The following DLG2 variants were observed in gnomAD, a reference collection of about 807,000 sequenced individuals.
The protein encoded by DLG2 is discs large MAGUK scaffold protein 2, also known as disks large homolog 2.
DLG2 carries 45 observed loss-of-function variants against 132.5 expected under a neutral mutation model. That is an observed-to-expected ratio of 0.34 (90% CI 0.27 to 0.44). The LOEUF (loss-of-function observed/expected upper bound fraction) is 0.44. DLG2 is among the 20% of genes least tolerant of loss of function. DLG2 has a pLI of 1.00. For missense variants in DLG2, 1,045 were observed against 1,196.9 expected (o/e 0.87, Z 1.87); for synonymous variants, 424 against 419.6 (o/e 1.01, Z -0.13).
At chr11:84,123,752 C>T (rs1443492114) in intron 9 of DLG2, among the ~76,000 whole-genome samples, 1 of 152,194 alleles carries the variant, frequency 6.6e-6, no homozygotes, top group Non-Finnish European at 1.5e-5. Context: ...CAACTAAGTA[C>T]ATAGAGATGA....
At chr11:84,018,368 A>G (rs2095282389) in intron 11 of DLG2, among the ~76,000 whole-genome samples, 1 of 152,016 alleles carries the variant, frequency 6.6e-6, no homozygotes, top group Admixed American at 6.6e-5. Context: ...TTATCTTGAG[A>G]ACTGGGTAAG....
chr11:84,488,148 C>G (rs568831471), intron 7 of DLG2, among the ~76,000 whole-genome samples: 1 of 152,180 alleles, frequency 6.6e-6, no homozygotes, highest in East Asian at 1.9e-4. Context: ...AAAGGAAACT[C>G]AAATTGGGAG....
chr11:83,833,823 C>G lies in DLG2; in HGVS notation c.1566-53G>C. The stretch of plus-strand genomic sequence containing the variant: ...CAGAGGGTGATCCATTTAAGATTTA[C>G]GTTGCTTTTACTTTCAATGGGATAT... On this transcript the variant is annotated intron_variant, in intron 16 of 27. Transcript: ENST00000376104. The G allele has an allele frequency of 1.9e-6, 3 of 1,567,226 alleles. No individual in the cohort carries two copies. The East Asian group carries it at 6.8e-5, about 35-fold the overall frequency.
At chr11:85,304,945 G>A (rs1044901318) in intron 3 of DLG2, among the ~76,000 whole-genome samples, 8 of 151,992 alleles carry the variant, frequency 5.3e-5, no homozygotes, top group South Asian at 2.1e-4. Flanking sequence ...TAGAACATAC[G>A]CTCCATGAGG....
At chr11:85,495,860 C>CA (rs2093657611) in intron 3 of DLG2, among the ~76,000 whole-genome samples, 1 of 152,148 alleles carries the variant, frequency 6.6e-6, no homozygotes, top group Admixed American at 6.5e-5. Context: ...TTTACAACAG[C>CA]AAAGATTTGG....
intron 21 of DLG2, chr11:83,486,200 C>A: frequency 1.5e-6 from 1 of 682,464 alleles, no homozygotes; most frequent in Non-Finnish European, 2.6e-6. Flanking sequence ...ATTCTTGCAT[C>A]ACTCCAGTTT....
intron 7 of DLG2, among the ~76,000 whole-genome samples, chr11:84,359,288 G>T (rs900110960): frequency 6.6e-6 from 1 of 151,718 alleles, no homozygotes; most frequent in African/African-American, 2.4e-5. Context: ...GTAACTCCCT[G>T]GTTGTGCTGT....
At chr11:85,420,781 TC>T (rs1181956971) in intron 3 of DLG2, among the ~76,000 whole-genome samples, 2 of 151,952 alleles carry the variant, frequency 1.3e-5, no homozygotes, top group South Asian at 2.1e-4. Flanking sequence ...TGGATGCCCC[TC>T]CCCCCACCAA....
At chr11:84,198,790 G>A (rs72953553) in intron 8 of DLG2, among the ~76,000 whole-genome samples, 4,113 of 152,196 alleles carry the variant, frequency 0.027, 78 homozygotes, top group Middle Eastern at 0.044. Context: ...AAGAAACATA[G>A]ATAGTTGACT....
chr11:84,365,780 A>G (rs536209453), intron 7 of DLG2, among the ~76,000 whole-genome samples: 1 of 152,136 alleles, frequency 6.6e-6, no homozygotes, highest in Non-Finnish European at 1.5e-5. Context: ...CCCAGTAGTC[A>G]TTCAGGAGCA....
chr11:85,342,486 T>C (rs2082566980), intron 3 of DLG2, among the ~76,000 whole-genome samples: 1 of 152,172 alleles, frequency 6.6e-6, no homozygotes, highest in Non-Finnish European at 1.5e-5. Context: ...AATGCCTTCT[T>C]CTAGAATACC....
At chr11:84,008,317 T>C (rs1403949575) in intron 11 of DLG2, among the ~76,000 whole-genome samples, 1 of 151,962 alleles carries the variant, frequency 6.6e-6, no homozygotes, top group Non-Finnish European at 1.5e-5. Context: ...TCTCTATCAG[T>C]TTCATATGGA....
At chr11:84,726,490 C>T (rs763247770) in intron 6 of DLG2, among the ~76,000 whole-genome samples, 8 of 152,176 alleles carry the variant, frequency 5.3e-5, no homozygotes, top group Non-Finnish European at 1.2e-4. Context: ...ATATGTGCCA[C>T]ACTTTCTTTA....
At chr11:84,783,529 G>C (rs2072218518) in intron 6 of DLG2, among the ~76,000 whole-genome samples, 1 of 152,112 alleles carries the variant, frequency 6.6e-6, no homozygotes, top group Non-Finnish European at 1.5e-5. Flanking sequence ...CAAAGTTTGT[G>C]AGAATCATTT....
intron 8 of DLG2, among the ~76,000 whole-genome samples, chr11:84,166,294 G>C (rs1468431586): frequency 6.6e-6 from 1 of 152,062 alleles, no homozygotes; most frequent in Non-Finnish European, 1.5e-5. Context: ...AAGAGGTCAG[G>C]AGATCGATAA....
intron 8 of DLG2, among the ~76,000 whole-genome samples, chr11:84,184,698 T>G (rs994998639): frequency 6.6e-6 from 1 of 152,096 alleles, no homozygotes; most frequent in Non-Finnish European, 1.5e-5. Flanking sequence ...GTTTTTATGG[T>G]TTTAGGTCTA....
chr11:84,064,311 G>A (rs2096638366), intron 10 of DLG2, among the ~76,000 whole-genome samples: 1 of 152,132 alleles, frequency 6.6e-6, no homozygotes, highest in South Asian at 2.1e-4. Flanking sequence ...TCCTTTGTGG[G>A]TATGGAGATT....
chr11:85,308,845 A>G lies in DLG2; in HGVS notation c.41-23480T>C, dbSNP rs555317843. Among the ~76,000 whole-genome samples, 75 of 152,294 alleles carry G rather than the reference A, an allele frequency of 4.9e-4. 2 individuals are homozygous for G. Among genetic ancestry groups the G allele is most frequent in the African/African-American group, 1.7e-3 (69 of 41,574 alleles). ...TATGGCAGACTATAGAGAGTACTTT[A>G]CATGACTTATTTCATCATTTAATCT... On this transcript the variant is annotated intron_variant, in intron 3 of 27. Transcript: ENST00000376104.
At chr11:83,833,962 T>C (rs553729873) in intron 16 of DLG2, among the ~76,000 whole-genome samples, 192 bp from the exon 17 acceptor site, 51 of 152,360 alleles carry the variant, frequency 3.3e-4, no homozygotes, top group African/African-American at 1.2e-3. Context: ...CTGCAACAAC[T>C]ACCAAAATAC....
Sources: allele counts gnomAD v4.1 joint callset (sites outside exome capture counted in the v4.1 genomes callset), GRCh38; gene constraint gnomAD v4.1.1; transcripts MANE v1.5; gene names NCBI Gene and HGNC (gene_info 2026-07-23, HGNC 2026-07-21).